NKAIN2: variants seen among roughly 807,000 people sequenced by gnomAD.
NKAIN2 encodes sodium/potassium-transporting ATPase subunit beta-1-interacting protein 2.
NKAIN2 carries 14 observed loss-of-function variants against 32.6 expected under a neutral mutation model. The observed-to-expected ratio is 0.43, with a 90% CI of 0.28 to 0.67. The LOEUF (loss-of-function observed/expected upper bound fraction) is 0.67, where lower values mean the gene tolerates loss of function less well. NKAIN2 is among the 30% of genes least tolerant of loss of function. NKAIN2 has a pLI of 0.17. For synonymous variants in NKAIN2, 80 were observed against 87.2 expected (o/e 0.92, Z 0.46); for missense variants, 198 against 258.3 (o/e 0.77, Z 1.60).
chr6:123,856,933 A>G (rs148279378), intron 1 of NKAIN2, among the ~76,000 whole-genome samples: 2 of 152,352 alleles, frequency 1.3e-5, no homozygotes, highest in African/African-American at 4.8e-5. Context: ...CAAACAAACA[A>G]CAACATAAGA....
chr6:124,559,414 A>G (rs1430250872), intron 3 of NKAIN2, among the ~76,000 whole-genome samples: 1 of 152,138 alleles, frequency 6.6e-6, no homozygotes, highest in Non-Finnish European at 1.5e-5. Context: ...CTCATTTGTC[A>G]TGGATCAATG....
At chr6:123,858,742 A>G (rs1002842073) in intron 1 of NKAIN2, among the ~76,000 whole-genome samples, 3 of 152,160 alleles carry the variant, frequency 2.0e-5, no homozygotes, top group Non-Finnish European at 2.9e-5. Flanking sequence ...TAAGTTCAGC[A>G]CATTATTGAA....
intron 1 of NKAIN2, among the ~76,000 whole-genome samples, chr6:123,838,413 C>T (rs1774720644): frequency 6.6e-6 from 1 of 152,022 alleles, no homozygotes; most frequent in African/African-American, 2.4e-5. Context: ...CTTGTCTCTC[C>T]ATTGCTGATC....
chr6:124,379,844 T>A (rs1164522900), intron 3 of NKAIN2, among the ~76,000 whole-genome samples: 12 of 152,144 alleles, frequency 7.9e-5, no homozygotes, highest in Non-Finnish European at 1.3e-4. Flanking sequence ...GCAATCCCAG[T>A]GTCCCTTACC....
At chr6:124,095,010 G>A (rs1305391323) in intron 1 of NKAIN2, among the ~76,000 whole-genome samples, 2 of 151,992 alleles carry the variant, frequency 1.3e-5, no homozygotes, top group African/African-American at 4.8e-5. Context: ...TTATTTCTCT[G>A]TAAAATTGAG....
chr6:124,809,768 A>G (rs1334443486), intron 5 of NKAIN2, among the ~76,000 whole-genome samples: 3 of 152,136 alleles, frequency 2.0e-5, no homozygotes, highest in Non-Finnish European at 4.4e-5. Flanking sequence ...ATCTACAATA[A>G]ACTCAAACAA....
At chr6:124,193,948 G>A (rs373102077) in intron 1 of NKAIN2, among the ~76,000 whole-genome samples, 36 of 152,242 alleles carry the variant, frequency 2.4e-4, no homozygotes, top group African/African-American at 8.4e-4. Context: ...ACAGCTGGTT[G>A]TGTCATCATC....
intron 2 of NKAIN2, among the ~76,000 whole-genome samples, chr6:124,309,532 CTATCTA>C (rs1261757428): frequency 1.3e-5 from 2 of 152,022 alleles, no homozygotes; most frequent in African/African-American, 4.8e-5. Context: ...ATGAAGACTT[CTATCTA>C]TAATATTGAC....
intron 1 of NKAIN2, among the ~76,000 whole-genome samples, chr6:123,959,007 C>G (rs1003196079): frequency 6.6e-6 from 1 of 152,126 alleles, no homozygotes; most frequent in African/African-American, 2.4e-5. Context: ...AAGCTTTCAT[C>G]CCTAAGTGGG....
At chr6:124,068,219 T>G (rs1267934414) in intron 1 of NKAIN2, among the ~76,000 whole-genome samples, 1 of 152,104 alleles carries the variant, frequency 6.6e-6, no homozygotes, top group Non-Finnish European at 1.5e-5. Context: ...AAGAAGTTTG[T>G]TTTAGTAGCT....
rs200929058 is a variant in NKAIN2, at chr6:124,658,259, C to T, written c.347C>T (p.Thr116Met). ...TGGATGGAGAATGGACCAGGATGTA[C>T]GGTGACGTCAGTGACACCTGCCCCA... ...SWWMENGPGC[T>M]VTSVTPAPDW... Residue 116 changes from threonine to methionine, a missense_variant, in exon 4 of 7, where the codon ACG becomes ATG. Coordinates refer to ENST00000368417, the MANE Select transcript of NKAIN2 (RefSeq NM_001040214.3). The T allele has an allele frequency of 2.1e-5, 34 of 1,613,902 alleles. No homozygotes were observed. The highest frequency in any genetic ancestry group is 2.2e-5 in the East Asian group (1 of 44,874).
At chr6:124,631,232 T>G (rs888724531) in intron 3 of NKAIN2, among the ~76,000 whole-genome samples, 1 of 152,176 alleles carries the variant, frequency 6.6e-6, no homozygotes, top group Non-Finnish European at 1.5e-5. Flanking sequence ...CATTCTCAAA[T>G]ACAGCATAGT....
chr6:123,952,336 CTT>C (rs2114587498), intron 1 of NKAIN2, among the ~76,000 whole-genome samples: 1 of 152,012 alleles, frequency 6.6e-6, no homozygotes, highest in East Asian at 1.9e-4. Context: ...CTCTCTTTTT[CTT>C]TGACTTTTGA....
chr6:124,417,891 CCT>C (rs1333350127), intron 3 of NKAIN2, among the ~76,000 whole-genome samples: 1 of 152,108 alleles, frequency 6.6e-6, no homozygotes, highest in Admixed American at 6.5e-5. Context: ...GCCAGAATTT[CCT>C]CTTTTTTATG....
At position 123,866,673 on chromosome 6, in the gene NKAIN2, A is replaced by G. The variant is rs938988510; in HGVS notation, c.54+62419A>G. ...TCTCGAACTCCTGACCTGGTGATCC[A>G]CCCATCTCGGCCTTCCAAAGTGCTG... On this transcript the variant is annotated intron_variant, in intron 1 of 6. Coordinates refer to ENST00000368417, the MANE Select transcript of NKAIN2 (RefSeq NM_001040214.3). Among the ~76,000 whole-genome samples the G allele has an allele frequency of 4.6e-5, 7 of 151,844 alleles. No individual in the cohort carries two copies. The South Asian group carries it at 1.2e-3, about 27-fold the overall frequency.
chr6:123,990,095 A>T lies in NKAIN2; in HGVS notation c.54+185841A>T, dbSNP rs549764367. Among the ~76,000 whole-genome samples, 24 of 152,296 alleles carry T rather than the reference A, an allele frequency of 1.6e-4. No homozygotes were observed. The South Asian group carries it at 4.1e-3, about 26-fold the overall frequency. ...GCAGGATGGAGTGAGTGCAAGCAGGATAAATGCCAGACACTATTTATAAAA... is the reference window on the plus strand; with the variant it reads ...GCAGGATGGAGTGAGTGCAAGCAGGTTAAATGCCAGACACTATTTATAAAA... On this transcript the variant is annotated intron_variant, in intron 1 of 6. Transcript: ENST00000368417.
chr6:124,415,575 A>G (rs552305650), intron 3 of NKAIN2, among the ~76,000 whole-genome samples: 1 of 152,252 alleles, frequency 6.6e-6, no homozygotes, highest in Non-Finnish European at 1.5e-5. Flanking sequence ...ACCAATGGCC[A>G]TTGAGAATCA....
chr6:124,161,879 A>G (rs1241993600), intron 1 of NKAIN2, among the ~76,000 whole-genome samples: 1 of 151,990 alleles, frequency 6.6e-6, no homozygotes, highest in Non-Finnish European at 1.5e-5. Context: ...TCATACCCCA[A>G]ACCTCAGCAT....
intron 3 of NKAIN2, among the ~76,000 whole-genome samples, chr6:124,589,996 G>A (rs565669980): frequency 6.6e-5 from 10 of 151,996 alleles, no homozygotes; most frequent in Non-Finnish European, 1.2e-4. Context: ...TTTGCTGTTG[G>A]GTCCTCTCCT....
Sources: gnomAD v4.1 joint callset for allele counts (sites outside exome capture counted in the v4.1 genomes callset) on GRCh38, gnomAD v4.1.1 for gene constraint, MANE v1.5 for transcripts, NCBI Gene and HGNC (gene_info 2026-07-23, HGNC 2026-07-21) for gene names.